Variants in ASCC1 observed in about 807,000 individuals in gnomAD.
ASCC1 encodes activating signal cointegrator 1 complex subunit 1.
ASCC1 carries 35 observed loss-of-function variants against 46.6 expected under a neutral mutation model. The observed-to-expected ratio is 0.75, with a 90% CI of 0.57 to 0.99. The LOEUF is 0.99. Among genes scored for constraint, ASCC1 ranks in the 50% least tolerant of loss-of-function variants. The pLI is 0.00. For missense variants in ASCC1, 376 were observed against 428.7 expected (o/e 0.88, Z 1.09); for synonymous variants, 143 against 146.6 (o/e 0.98, Z 0.18).
At chr10:72,173,723 C>T (rs1238285115) in intron 5 of ASCC1, among the ~76,000 whole-genome samples, 9 of 151,312 alleles carry the variant, frequency 5.9e-5, no homozygotes, top group Non-Finnish European at 1.2e-4. Context: ...GCATAAATCT[C>T]TAGAGCCACT....
At chr10:72,161,721 A>G in intron 5 of ASCC1, 47 bp from the exon 6 acceptor site, 1 of 1,612,178 alleles carries the variant, frequency 6.2e-7, no homozygotes, top group Non-Finnish European at 8.5e-7. Flanking sequence ...ATACAAAGGC[A>G]AATGGCAAGA....
chr10:72,183,107 A>G (rs1852892551), intron 5 of ASCC1, among the ~76,000 whole-genome samples: 1 of 150,474 alleles, frequency 6.6e-6, no homozygotes, highest in South Asian at 2.1e-4. Flanking sequence ...CAGTGGTGCA[A>G]TCTCAGCTCA....
At chr10:72,104,752 G>A (rs1459854867) in intron 9 of ASCC1, among the ~76,000 whole-genome samples, 3 of 152,022 alleles carry the variant, frequency 2.0e-5, no homozygotes, top group Non-Finnish European at 4.4e-5. Flanking sequence ...ACATAACAAC[G>A]AACAGTACAC....
chr10:72,215,168 C>T (rs1402262036), intron 1 of ASCC1, among the ~76,000 whole-genome samples: 1 of 152,130 alleles, frequency 6.6e-6, no homozygotes. Flanking sequence ...TTTAGGAGGC[C>T]GAGGCGGATC....
intron 5 of ASCC1, among the ~76,000 whole-genome samples, chr10:72,193,479 C>A (rs866856359): frequency 1.2e-4 from 17 of 143,900 alleles, no homozygotes; most frequent in Non-Finnish European, 2.3e-4. Flanking sequence ...CACACACACA[C>A]CACACACACA....
chr10:72,152,653 C>A (rs1247900822), intron 7 of ASCC1, among the ~76,000 whole-genome samples: 2 of 151,964 alleles, frequency 1.3e-5, no homozygotes, highest in Admixed American at 6.6e-5. Context: ...CATAGTAAGA[C>A]CCCCATCCTA....
At chr10:72,143,563 G>A (rs1052231020) in intron 7 of ASCC1, among the ~76,000 whole-genome samples, 1 of 149,770 alleles carries the variant, frequency 6.7e-6, no homozygotes, top group Non-Finnish European at 1.5e-5. Flanking sequence ...TCTCTGGTCA[G>A]AAAGTATAAT....
chr10:72,102,560 G>T, intron 9 of ASCC1: 1 of 670,640 alleles, frequency 1.5e-6, no homozygotes, highest in Non-Finnish European at 2.7e-6. Flanking sequence ...CCTCTAGTTT[G>T]TCACTTGTCT....
Position 72,203,409 on chromosome 10 carries a change from A to G in ASCC1, c.310+18T>C, listed in dbSNP as rs1225786457. 7 of 1,567,770 alleles carry G rather than the reference A, an allele frequency of 4.5e-6. No individual in the cohort carries two copies. Among genetic ancestry groups the G allele is most frequent in the African/African-American group, 2.7e-5 (2 of 73,964 alleles). ...GCAAAAGTGACTTCAAATGTAACTT[A>G]TATCTACTGAGTCTCACCAATTTCC... On this transcript the variant is annotated intron_variant, in intron 4 of 9. Transcript: ENST00000672957.
At chr10:72,205,401 G>T (rs111709084) in intron 3 of ASCC1, among the ~76,000 whole-genome samples, 9,541 of 151,974 alleles carry the variant, frequency 0.063, 992 homozygotes, top group African/African-American at 0.22. Context: ...AGGCCGAGGT[G>T]GGGGGGATCA....
intron 9 of ASCC1, chr10:72,102,224 G>T: frequency 1.1e-6 from 1 of 872,262 alleles, no homozygotes; most frequent in Non-Finnish European, 1.8e-6. Flanking sequence ...GGGTCCAATG[G>T]GTGTATATGA....
chr10:72,202,390 C>T (rs1281407755), intron 4 of ASCC1, among the ~76,000 whole-genome samples: 1 of 151,898 alleles, frequency 6.6e-6, no homozygotes, highest in Non-Finnish European at 1.5e-5. Flanking sequence ...ATCGCTTGAA[C>T]CTGGGTAGCG....
At chr10:72,169,738 G>T (rs920993270) in intron 5 of ASCC1, among the ~76,000 whole-genome samples, 1 of 152,194 alleles carries the variant, frequency 6.6e-6, no homozygotes, top group African/African-American at 2.4e-5. Flanking sequence ...AAAAGGGAAA[G>T]AAACCTAATT....
At chr10:72,129,254 G>T (rs996758861) in intron 8 of ASCC1, among the ~76,000 whole-genome samples, 1 of 151,906 alleles carries the variant, frequency 6.6e-6, no homozygotes, top group East Asian at 1.9e-4. Flanking sequence ...AGTTGCAAAA[G>T]AACAACAAAT....
At chr10:72,195,197 A>G (rs1589573962) in intron 5 of ASCC1, among the ~76,000 whole-genome samples, 2 of 115,040 alleles carry the variant, frequency 1.7e-5, no homozygotes, top group African/African-American at 6.9e-5. Context: ...CCCAGGCTGG[A>G]GTGCAATAAT....
chr10:72,113,677 T>C (rs1843171916), intron 9 of ASCC1, among the ~76,000 whole-genome samples: 1 of 152,232 alleles, frequency 6.6e-6, no homozygotes, highest in Non-Finnish European at 1.5e-5. Context: ...AACTGAAGCA[T>C]TTCAAACTGT....
In ASCC1 at chr10:72,096,714, T is replaced by C; in HGVS notation, c.*620A>G. Reference sequence around the variant, plus strand: ...TGTGGTACGCACATGTAACGGAACATTCCATTATATGTATAATACAGGAAG... The same window carrying C: ...TGTGGTACGCACATGTAACGGAACACTCCATTATATGTATAATACAGGAAG... On this transcript the variant is annotated 3_prime_UTR_variant, in exon 10 of 10. Coordinates refer to ENST00000672957, the MANE Select transcript of ASCC1 (RefSeq NM_001198800.3). 1 of 454,126 alleles carries C rather than the reference T, an allele frequency of 2.2e-6. No individual in the cohort carries two copies. The highest frequency in any genetic ancestry group is 2.3e-5 in the Admixed American group (1 of 42,578). The allele number at this position is 454,126 out of a possible 1,614,324, so 28.1% of individuals were successfully genotyped here.
At chr10:72,146,488 G>A (rs1847643463) in intron 7 of ASCC1, among the ~76,000 whole-genome samples, 1 of 152,182 alleles carries the variant, frequency 6.6e-6, no homozygotes, top group African/African-American at 2.4e-5. Flanking sequence ...GGAAAAGGAG[G>A]AAGTTGAGGC....
chr10:72,130,059 G>A (rs1000975828), intron 8 of ASCC1, among the ~76,000 whole-genome samples: 27 of 150,660 alleles, frequency 1.8e-4, no homozygotes, highest in Admixed American at 4.6e-4. Context: ...TAACATGGAT[G>A]AGCCTTGAAA....
Sources: allele counts gnomAD v4.1 joint callset (sites outside exome capture counted in the v4.1 genomes callset), GRCh38; gene constraint gnomAD v4.1.1; transcripts MANE v1.5; gene names NCBI Gene and HGNC (gene_info 2026-07-23, HGNC 2026-07-21).